PCDHGB2: variants seen among roughly 807,000 people sequenced by gnomAD.
The protein encoded by PCDHGB2 is protocadherin gamma-B2.
A neutral mutation model predicts 59.3 loss-of-function variants in PCDHGB2; 55 were observed. The observed-to-expected ratio is 0.93, with a 90% CI of 0.75 to 1.16. PCDHGB2 has a LOEUF of 1.16. Among genes scored for constraint, PCDHGB2 ranks in the 50% most tolerant of loss-of-function variants. PCDHGB2 has a pLI of 0.00. For missense variants in PCDHGB2, 1,228 were observed against 1,198.5 expected, an observed-to-expected ratio of 1.02 and a Z score of -0.36; for synonymous variants, 516 against 512.0, an observed-to-expected ratio of 1.01 and a Z score of -0.11.
chr5:141,390,025 G>T lies in PCDHGB2; in HGVS notation c.2421+27469G>T, dbSNP rs762363185. On this transcript the variant is annotated intron_variant, in intron 1 of 3. Coordinates refer to ENST00000522605, the MANE Select transcript of PCDHGB2 (RefSeq NM_018923.3). ...ATTCTGGCCATTGCCTTGCGCCTGC[G>T]ACGCTCCTCCAGCCCCGCCTCCTGG... The T allele has an allele frequency of 3.0e-5, 48 of 1,613,882 alleles. No individual in the cohort carries two copies. The East Asian group carries it at 1.1e-3, about 36-fold the overall frequency.
At chr5:141,405,029 C>A (rs565871444) in intron 1 of PCDHGB2, 1 of 1,613,976 alleles carries the variant, frequency 6.2e-7, no homozygotes, top group South Asian at 1.1e-5. Context: ...TACCCTCTAC[C>A]TCGTTGTGGC....
intron 1 of PCDHGB2, among the ~76,000 whole-genome samples, chr5:141,460,252 A>T (rs1342135416): frequency 6.6e-6 from 1 of 151,974 alleles, no homozygotes; most frequent in African/African-American, 2.4e-5. Flanking sequence ...AATTTTGATA[A>T]AGCCCAATTT....
intron 1 of PCDHGB2, chr5:141,364,463 G>C: frequency 6.2e-7 from 1 of 1,614,000 alleles, no homozygotes; most frequent in Admixed American, 1.7e-5. Context: ...AGGCTCCTTC[G>C]TCGGCAACAT....
intron 1 of PCDHGB2, chr5:141,376,337 A>G (rs780979921): frequency 1.9e-6 from 3 of 1,613,924 alleles, no homozygotes; most frequent in Non-Finnish European, 2.5e-6. Context: ...TTTCCTGCAG[A>G]CCTATTCCCA....
intron 1 of PCDHGB2, chr5:141,383,092 C>G (rs200016406): frequency 6.2e-7 from 1 of 1,613,932 alleles, no homozygotes; most frequent in South Asian, 1.1e-5. Context: ...GCGCGGAGTC[C>G]GCATCATCTC....
At chr5:141,482,544 A>AAAC (rs1041838777) in intron 1 of PCDHGB2, among the ~76,000 whole-genome samples, 4 of 151,844 alleles carry the variant, frequency 2.6e-5, no homozygotes, top group Non-Finnish European at 4.4e-5. Context: ...AAAAAAAAAA[A>AAAC]AAAAAGATAA....
In PCDHGB2 at chr5:141,512,385, A is replaced by G. The variant is rs78180647; in HGVS notation, c.*1212A>G. 6,750 of 152,704 alleles carry G rather than the reference A, an allele frequency of 0.044. 413 individuals carry two copies. Among genetic ancestry groups the G allele is most frequent in the Admixed American group, 0.18 (2,745 of 15,296 alleles). The allele number at this position is 152,704 out of a possible 1,614,324, so 9.5% of individuals were successfully genotyped here. ...TAGGGCAGGGACCAAATGAACAGAAAGTCTCAGCCCAGGATGGGGCTTCTT... is the reference window on the plus strand; with the variant it reads ...TAGGGCAGGGACCAAATGAACAGAAGGTCTCAGCCCAGGATGGGGCTTCTT... On this transcript the variant is annotated 3_prime_UTR_variant, in exon 4 of 4. Coordinates refer to ENST00000522605, the MANE Select transcript of PCDHGB2 (RefSeq NM_018923.3).
Position 141,424,835 on chromosome 5 carries a change from T to C in PCDHGB2, c.2421+62279T>C, listed in dbSNP as rs999861185. Among the ~76,000 whole-genome samples, 20 of 152,310 alleles carry C rather than the reference T, an allele frequency of 1.3e-4. No individual in the cohort carries two copies. The South Asian group carries it at 3.5e-3, about 27-fold the overall frequency. On this transcript the variant is annotated intron_variant, in intron 1 of 3. Coordinates refer to ENST00000522605, the MANE Select transcript of PCDHGB2 (RefSeq NM_018923.3). ...AAGCTTGATAGTTGCCTGACATACA[T>C]GTTATCTGAAGCAATGTCTAGGAAA... is the stretch of plus-strand genomic sequence containing the variant.
At chr5:141,372,535 G>A in intron 1 of PCDHGB2, 2 of 1,613,924 alleles carry the variant, frequency 1.2e-6, no homozygotes, top group Non-Finnish European at 1.7e-6. Flanking sequence ...ATCTCCCTGC[G>A]CCTGCGATGC....
intron 1 of PCDHGB2, chr5:141,375,280 C>A (rs771324220): frequency 6.2e-7 from 1 of 1,613,794 alleles, no homozygotes; most frequent in Admixed American, 1.7e-5. Flanking sequence ...AATCAGTTGG[C>A]AATTATTATC....
At chr5:141,395,276 A>G in intron 1 of PCDHGB2, 1 of 1,543,522 alleles carries the variant, frequency 6.5e-7, no homozygotes. Flanking sequence ...TTTCCAGATG[A>G]ATTTTATTTG....
chr5:141,430,910 G>C, intron 1 of PCDHGB2: 2 of 1,608,040 alleles, frequency 1.2e-6, no homozygotes, highest in South Asian at 1.1e-5. Context: ...CATCTCCAGG[G>C]ACCTGGGGCT....
intron 1 of PCDHGB2, 78 bp from the exon 2 acceptor site, chr5:141,494,729 C>CG: frequency 6.2e-7 from 1 of 1,610,168 alleles, no homozygotes; most frequent in South Asian, 1.1e-5. Context: ...CCTTCTCTCC[C>CG]GGCCCATCCC....
chr5:141,441,547 A>G (rs1393958373), intron 1 of PCDHGB2: 1 of 182,772 alleles, frequency 5.5e-6, no homozygotes, highest in Admixed American at 6.4e-5. Context: ...CAAAGCCTCC[A>G]TAGTGTGCAA....
Position 141,486,799 on chromosome 5 carries a change from C to A in PCDHGB2, c.2422-8008C>A. The A allele has an allele frequency of 6.2e-7, 1 of 1,614,220 alleles. No individual in the cohort carries two copies. Among genetic ancestry groups the A allele is most frequent in the African/African-American group, 1.3e-5 (1 of 75,060 alleles). ...AGGTGCAGGCCCGGGATCGGGGCAA[C>A]CCACCCCTTAGCAGCACTGTAACAG... On this transcript the variant is annotated intron_variant, in intron 1 of 3. Coordinates refer to ENST00000522605, the MANE Select transcript of PCDHGB2 (RefSeq NM_018923.3). This position sits in a 1 kb window ranked among gnomAD's most constrained non-coding sequence, Gnocchi z 5.0.
In PCDHGB2 at chr5:141,459,848, C is replaced by T. The variant is rs573481876; in HGVS notation, c.2422-34959C>T. Among the ~76,000 whole-genome samples the T allele has an allele frequency of 1.1e-4, 16 of 152,244 alleles. No homozygotes were observed. In the South Asian group the frequency reaches 2.5e-3, roughly 24 times the overall value. ...TTTCATGTGTTGTCTATTTGTATATCTTCTTGAAGCATTCGTTCATCTTTA... is the reference window on the plus strand; with the variant it reads ...TTTCATGTGTTGTCTATTTGTATATTTTCTTGAAGCATTCGTTCATCTTTA... On this transcript the variant is annotated intron_variant, in intron 1 of 3. Transcript: ENST00000522605.
chr5:141,486,100 C>G lies in PCDHGB2; in HGVS notation c.2422-8707C>G. Reference sequence around the variant, plus strand: ...AGCTTACTCTTTTGGGGCCCCTAGACTTTGAGAGTGAGAATTACTATGAAT... The same window carrying G: ...AGCTTACTCTTTTGGGGCCCCTAGAGTTTGAGAGTGAGAATTACTATGAAT... On this transcript the variant is annotated intron_variant, in intron 1 of 3. Transcript: ENST00000522605. This position sits in a 1 kb window ranked among gnomAD's most constrained non-coding sequence, Gnocchi z 5.0. 1 of 1,614,190 alleles carries G rather than the reference C, an allele frequency of 6.2e-7. No individual in the cohort carries two copies. The highest frequency in any genetic ancestry group is 1.1e-5 in the South Asian group (1 of 91,086).
intron 1 of PCDHGB2, chr5:141,430,576 T>G (rs767759432): frequency 3.3e-5 from 15 of 459,492 alleles, no homozygotes; most frequent in Non-Finnish European, 5.5e-5. Flanking sequence ...AAAGCGGAGA[T>G]CCTGCTCGCC....
chr5:141,366,207 T>G, intron 1 of PCDHGB2: 1 of 1,613,790 alleles, frequency 6.2e-7, no homozygotes, highest in Non-Finnish European at 8.5e-7. Context: ...ACGGGCGAGG[T>G]GCGCACAGCG....
Sources: allele counts gnomAD v4.1 joint callset (sites outside exome capture counted in the v4.1 genomes callset), GRCh38; gene constraint gnomAD v4.1.1; non-coding constraint Gnocchi (gnomAD v3.1); transcripts MANE v1.5; gene names NCBI Gene and HGNC (gene_info 2026-07-23, HGNC 2026-07-21).